The following TBX20 variants were observed in gnomAD, a reference collection of about 807,000 sequenced individuals.
The protein encoded by TBX20 is T-box transcription factor 20.
TBX20 carries 8 observed loss-of-function variants against 42.9 expected under a neutral mutation model. The observed-to-expected ratio is 0.19, with a 90% CI of 0.11 to 0.34. The LOEUF is 0.34. Among genes scored for constraint, TBX20 ranks in the 10% least tolerant of loss-of-function variants. The pLI is 1.00. For missense variants in TBX20, 411 were observed against 566.0 expected, an observed-to-expected ratio of 0.73 and a Z score of 2.78; for synonymous variants, 198 against 222.8, an observed-to-expected ratio of 0.89 and a Z score of 0.99.
In TBX20 at chr7:35,250,124, T is replaced by C. The variant is rs1790275946; in HGVS notation, c.207A>G (p.Gly69=). 2.5e-6 allele frequency: 4 copies of C among 1,613,594 alleles called. No homozygotes were observed. Among genetic ancestry groups the C allele is most frequent in the Non-Finnish European group, 3.4e-6 (4 of 1,179,912 alleles). The change falls in exon 2 of 8, where the codon GGA becomes GGG. Residue 69 remains glycine, a synonymous_variant. Transcript: ENST00000408931. ...AGGAGGACGGGCTGCTGCCACTGCC[T>C]CCACCAAACTCCCCATGAGCATCCA... is the stretch of plus-strand genomic sequence containing the variant. ...TSLDAHGEFG[G]GSGSSPSSSS...
chr7:35,213,877 C>CAAAAAAAAAAAAAAAAAAAAAA (rs59548164), intron 6 of TBX20, among the ~76,000 whole-genome samples: 2 of 59,772 alleles, frequency 3.3e-5, no homozygotes, highest in African/African-American at 6.8e-5. Flanking sequence ...GCAGAGATAG[C>CAAAAAAAAAAAAAAAAAAAAAA]AAAAAAAAAA....
intron 1 of TBX20, among the ~76,000 whole-genome samples, chr7:35,251,320 A>G (rs1259905560): frequency 6.6e-6 from 1 of 152,180 alleles, no homozygotes; most frequent in Non-Finnish European, 1.5e-5. Flanking sequence ...ACACGCACAG[A>G]TCATAAGGTG....
intron 6 of TBX20, among the ~76,000 whole-genome samples, chr7:35,221,813 G>T (rs2907422): frequency 2.0e-5 from 3 of 152,140 alleles, no homozygotes; most frequent in African/African-American, 7.2e-5. Flanking sequence ...GAATATGCCT[G>T]CAATTAAATT....
At chr7:35,206,096 C>G (rs1469552610) in intron 6 of TBX20, among the ~76,000 whole-genome samples, 2 of 152,210 alleles carry the variant, frequency 1.3e-5, no homozygotes, top group African/African-American at 4.8e-5. Context: ...AAGAAACTGC[C>G]TAGAAGAGGT....
intron 6 of TBX20, among the ~76,000 whole-genome samples, chr7:35,223,562 CAG>C (rs1464029064): frequency 6.6e-6 from 1 of 152,136 alleles, no homozygotes; most frequent in Non-Finnish European, 1.5e-5. Flanking sequence ...GAATAAAAAA[CAG>C]AAGACTGAGT....
chr7:35,246,494 C>T (rs745889622), intron 3 of TBX20, among the ~76,000 whole-genome samples: 59 of 152,100 alleles, frequency 3.9e-4, no homozygotes, highest in Non-Finnish European at 6.9e-4. Flanking sequence ...ACATTCACCA[C>T]ATGTAATGGC....
At chr7:35,223,087 G>A (rs1789710648) in intron 6 of TBX20, among the ~76,000 whole-genome samples, 1 of 147,264 alleles carries the variant, frequency 6.8e-6, no homozygotes, top group African/African-American at 2.5e-5. Flanking sequence ...GGACTCCTCT[G>A]GACTAGAAGG....
intron 6 of TBX20, among the ~76,000 whole-genome samples, chr7:35,212,344 T>C (rs1002915715): frequency 6.6e-6 from 1 of 152,220 alleles, no homozygotes; most frequent in African/African-American, 2.4e-5. Context: ...AGTGTCTGAA[T>C]GTCCTTGTTA....
chr7:35,251,129 C>T (rs1790297450), intron 1 of TBX20, among the ~76,000 whole-genome samples: 1 of 152,238 alleles, frequency 6.6e-6, no homozygotes, highest in South Asian at 2.1e-4. Context: ...CCTGGGACTA[C>T]ACCAGTCACT....
rs541264278 is a variant in TBX20, at chr7:35,219,204, G to A, written c.890+12300C>T. ...TCTTACAGAATGTGGGTCTCAAGGGGAACACTGTGGGTCAGTGGGAGCAGG... is the reference window on the plus strand; with the variant it reads ...TCTTACAGAATGTGGGTCTCAAGGGAAACACTGTGGGTCAGTGGGAGCAGG... On this transcript the variant is annotated intron_variant, in intron 6 of 7. Coordinates refer to ENST00000408931, the MANE Select transcript of TBX20 (RefSeq NM_001077653.2). Among the ~76,000 whole-genome samples the A allele has an allele frequency of 5.1e-3, 774 of 152,210 alleles. 6 individuals are homozygous for A. The highest frequency in any genetic ancestry group is 7.7e-3 in the South Asian group (37 of 4,814).
chr7:35,226,751 T>C (rs1377345849), intron 6 of TBX20, among the ~76,000 whole-genome samples: 4 of 152,150 alleles, frequency 2.6e-5, no homozygotes. Flanking sequence ...CTCACGTTTG[T>C]ATAAAATACA....
At chr7:35,226,086 T>C (rs553343068) in intron 6 of TBX20, among the ~76,000 whole-genome samples, 3 of 152,068 alleles carry the variant, frequency 2.0e-5, no homozygotes, top group East Asian at 1.9e-4. Context: ...TAAAGTTGTA[T>C]GTCTATTTTA....
At chr7:35,220,782 T>G (rs1209396610) in intron 6 of TBX20, among the ~76,000 whole-genome samples, 1 of 152,246 alleles carries the variant, frequency 6.6e-6, no homozygotes, top group East Asian at 1.9e-4. Context: ...AATGACTTCT[T>G]CTGAAGCAGA....
In TBX20 at chr7:35,231,425, C is replaced by G. The variant is rs113221975; in HGVS notation, c.890+79G>C. Reference sequence around the variant, plus strand: ...TAGTAAGGTTATGATTCTCTGGTGTCGAAAGGAGTGTGTTGTTACAAACTC... The same window carrying G: ...TAGTAAGGTTATGATTCTCTGGTGTGGAAAGGAGTGTGTTGTTACAAACTC... On this transcript the variant is annotated intron_variant, in intron 6 of 7. Transcript: ENST00000408931. 120 of 928,124 alleles carry G rather than the reference C, an allele frequency of 1.3e-4. 2 individuals are homozygous for G. In the South Asian group the frequency reaches 1.5e-3, roughly 12 times the overall value. 57.5% of individuals were successfully genotyped at this position (928,124 alleles called of 1,614,324 possible).
Position 35,240,979 on chromosome 7 carries a change from T to C in TBX20, c.713A>G (p.Asp238Gly). 3 of 1,613,782 alleles carry C rather than the reference T, an allele frequency of 1.9e-6. No individual in the cohort carries two copies. The highest frequency in any genetic ancestry group is 2.5e-6 in the Non-Finnish European group (3 of 1,179,710). Reference sequence around the variant, plus strand: ...CAGGTTGAGCAATGAGGCTGTGTGGTCTTTCTTCTTAATGATGTGCACCCT... The same window carrying C: ...CAGGTTGAGCAATGAGGCTGTGTGGCCTTTCTTCTTAATGATGTGCACCCT... ...QPRVHIIKKK[D>G]HTASLLNLKS... The change falls in exon 5 of 8, where the codon GAC (aspartate) becomes GGC (glycine). Residue 238 changes from aspartate to glycine, a missense_variant. Physicochemically the swap from Asp to Gly is moderately conservative, Grantham distance 94. Transcript: ENST00000408931.
chr7:35,208,465 A>C (rs1383472709), intron 6 of TBX20, among the ~76,000 whole-genome samples: 1 of 152,180 alleles, frequency 6.6e-6, no homozygotes, highest in Non-Finnish European at 1.5e-5. Context: ...AGAATGGGCC[A>C]GGCACAGTGG....
At chr7:35,225,293 A>T (rs1789750091) in intron 6 of TBX20, among the ~76,000 whole-genome samples, 2 of 152,234 alleles carry the variant, frequency 1.3e-5, no homozygotes, top group Non-Finnish European at 2.9e-5. Context: ...GTAATTTTAG[A>T]TACGCCCAGT....
At chr7:35,242,179 T>C (rs1210059576) in intron 4 of TBX20, among the ~76,000 whole-genome samples, 3 of 152,218 alleles carry the variant, frequency 2.0e-5, no homozygotes, top group African/African-American at 7.2e-5. Context: ...CGATTGACTT[T>C]AGCAGAGTTG....
intron 6 of TBX20, among the ~76,000 whole-genome samples, chr7:35,216,285 AGGTGCTGCT>A (rs1208051469): frequency 3.3e-5 from 5 of 152,148 alleles, no homozygotes; most frequent in African/African-American, 4.8e-5. Context: ...AATATGTTCC[AGGTGCTGCT>A]GATGCTGCTG....
Sources: gnomAD v4.1 joint callset for allele counts (sites outside exome capture counted in the v4.1 genomes callset) on GRCh38, gnomAD v4.1.1 for gene constraint, MANE v1.5 for transcripts, NCBI Gene and HGNC (gene_info 2026-07-23, HGNC 2026-07-21) for gene names.